Variants in TTLL4 observed in about 807,000 individuals in gnomAD.
TTLL4 encodes the protein tubulin tyrosine ligase like 4, also known as tubulin monoglutamylase TTLL4.
In TTLL4, 85 loss-of-function variants were observed where a neutral mutation model predicts 122.7. That is an observed-to-expected ratio of 0.69 (90% CI 0.58 to 0.83). The LOEUF (loss-of-function observed/expected upper bound fraction) is 0.83, where lower values mean the gene tolerates loss of function less well. Ranked by LOEUF, TTLL4 falls within the 40% of genes least tolerant of loss-of-function variation. The pLI, the probability that TTLL4 is intolerant of heterozygous loss-of-function variation, is 0.00. For synonymous variants in TTLL4, 553 were observed against 563.0 expected, an observed-to-expected ratio of 0.98 and a Z score of 0.25; for missense variants, 1,363 against 1,488.6, an observed-to-expected ratio of 0.92 and a Z score of 1.39.
In TTLL4 at chr2:218,738,026, T is replaced by C. The variant is rs748695101; in HGVS notation, c.350T>C (p.Leu117Pro). The C allele has an allele frequency of 3.1e-6, 5 of 1,614,160 alleles. No homozygotes were observed. Among genetic ancestry groups the C allele is most frequent in the Non-Finnish European group, 4.2e-6 (5 of 1,180,038 alleles). Residue 117 changes from leucine to proline, a missense_variant, in exon 3 of 20, where the codon CTA (leucine) becomes CCA (proline). Around this residue, in one of 3 missense-constraint regions of TTLL4, gnomAD observed 760 missense variants for 808.4 expected, o/e 0.94. Coordinates refer to ENST00000392102, the MANE Select transcript of TTLL4 (RefSeq NM_014640.5). ...CCGGACTTGTTCAACAGCACCCTGC[T>C]ATACCGCCGCTCCAGCTATAGGCAA... is the stretch of plus-strand genomic sequence containing the variant. ...SLPDLFNSTL[L>P]YRRSSYRQKP...
chr2:218,750,540 C>T (rs935968292), intron 15 of TTLL4, among the ~76,000 whole-genome samples: 2 of 150,224 alleles, frequency 1.3e-5, no homozygotes, highest in South Asian at 2.1e-4. Context: ...GATGTTGTTT[C>T]TAAAAAAAAA....
chr2:218,716,728 G>T (rs1476850484), intron 1 of TTLL4, among the ~76,000 whole-genome samples: 1 of 152,158 alleles, frequency 6.6e-6, no homozygotes, highest in African/African-American at 2.4e-5. Context: ...GGCGGAGGTT[G>T]CAGTGAGCCG....
intron 1 of TTLL4, among the ~76,000 whole-genome samples, chr2:218,723,533 T>C (rs1942103578): frequency 6.6e-6 from 1 of 152,150 alleles, no homozygotes; most frequent in African/African-American, 2.4e-5. Flanking sequence ...CACTGGCCAT[T>C]GAGAGAGGTT....
intron 5 of TTLL4, among the ~76,000 whole-genome samples, chr2:218,741,058 G>C (rs1412381101): frequency 1.3e-5 from 2 of 151,994 alleles, no homozygotes. Flanking sequence ...GGGTGATGGA[G>C]CAAGACTTTG....
chr2:218,727,956 A>G (rs1371652803), intron 2 of TTLL4: 2 of 151,970 alleles, frequency 1.3e-5, no homozygotes, highest in Non-Finnish European at 2.9e-5. Flanking sequence ...CTGGCTTGTT[A>G]TTGGATATGT....
rs757860498 is a variant in TTLL4, at chr2:218,738,303, C to G, written c.627C>G (p.Leu209=). The G allele has an allele frequency of 2.7e-5, 44 of 1,614,042 alleles. No homozygotes were observed. Among genetic ancestry groups the G allele is most frequent in the South Asian group, 2.5e-4 (23 of 91,094 alleles). Residue 209 remains leucine (L), a synonymous_variant, in exon 3 of 20, where the codon CTC becomes CTG. Coordinates refer to ENST00000392102, the MANE Select transcript of TTLL4 (RefSeq NM_014640.5). ...TCTCAGGGAAGATCCCATCTCCACTCTCTTCCTCCTATAAGCCCATGCTGA... is the reference window on the plus strand; with the variant it reads ...TCTCAGGGAAGATCCCATCTCCACTGTCTTCCTCCTATAAGCCCATGCTGA... ...SAISGKIPSP[L]SSSYKPMLNN...
intron 19 of TTLL4, 113 bp downstream of exon 19, chr2:218,753,782 G>A (rs1167328924): frequency 2.5e-6 from 3 of 1,181,064 alleles, no homozygotes; most frequent in African/African-American, 3.0e-5. Flanking sequence ...GCTGGGGGTT[G>A]GTGGGAGCGT....
rs537339408 is a variant in TTLL4 at position 218,719,233 on chromosome 2, G to A, written c.-177-8036G>A. ...GTTCTTCCCACCCCCTTCTGCCAGC[G>A]TGGCTCTGTATTTGAGGTTAAAGAT... On this transcript the variant is annotated intron_variant, in intron 1 of 19. Transcript: ENST00000392102. Among the ~76,000 whole-genome samples the A allele has an allele frequency of 1.4e-4, 22 of 152,190 alleles. 1 individual carries two copies. The South Asian group carries it at 4.4e-3, about 30-fold the overall frequency.
chr2:218,743,672 T>C (rs1942763202), intron 5 of TTLL4, among the ~76,000 whole-genome samples: 1 of 151,302 alleles, frequency 6.6e-6, no homozygotes, highest in African/African-American at 2.5e-5. Flanking sequence ...CTATCTTTTT[T>C]GTTTTGTTTT....
intron 1 of TTLL4, among the ~76,000 whole-genome samples, chr2:218,720,788 G>A (rs1241198440): frequency 6.6e-6 from 1 of 152,070 alleles, no homozygotes; most frequent in African/African-American, 2.4e-5. Flanking sequence ...CTAATGAGAT[G>A]ATTGATAGCT....
chr2:218,716,463 C>G (rs1426133274), intron 1 of TTLL4, among the ~76,000 whole-genome samples: 1 of 152,178 alleles, frequency 6.6e-6, no homozygotes, highest in Non-Finnish European at 1.5e-5. Context: ...AAAGCATACT[C>G]AAGGACACTT....
At position 218,747,795 on chromosome 2, in the gene TTLL4, A is replaced by G; in HGVS notation, c.2378+70A>G. The G allele has an allele frequency of 5.7e-6, 9 of 1,587,794 alleles. No homozygotes were observed. The highest frequency in any genetic ancestry group is 3.4e-5 in the South Asian group (3 of 89,180). ...TATTTTCCTTGGAGGGAGGGAAACTAGAAGACACCAAACAGAAAAATAGTT... is the reference window on the plus strand; with the variant it reads ...TATTTTCCTTGGAGGGAGGGAAACTGGAAGACACCAAACAGAAAAATAGTT... On this transcript the variant is annotated intron_variant, in intron 11 of 19. Transcript: ENST00000392102. The surrounding 1 kb of genome is among the most constrained non-coding windows in gnomAD (Gnocchi z 4.7).
intron 1 of TTLL4, among the ~76,000 whole-genome samples, chr2:218,711,746 T>A (rs1303715973): frequency 2.0e-5 from 3 of 151,878 alleles, no homozygotes; most frequent in Non-Finnish European, 4.4e-5. Flanking sequence ...AGGAAATACT[T>A]AATCCGGACT....
chr2:218,754,126 C>T lies in TTLL4; in HGVS notation c.3345-8C>T. 1 of 1,614,050 alleles carries T rather than the reference C, an allele frequency of 6.2e-7. No individual in the cohort carries two copies. The highest frequency in any genetic ancestry group is 1.6e-4 in the Middle Eastern group (1 of 6,062). ...TCAGTCATTTCTTTCACCACCTATT[C>T]CCTCCAGAAAACAAAGCTCCTGTGA... On this transcript the variant is annotated splice_region_variant and splice_polypyrimidine_tract_variant and intron_variant, in intron 19 of 19. Coordinates refer to ENST00000392102, the MANE Select transcript of TTLL4 (RefSeq NM_014640.5).
Position 218,738,547 on chromosome 2 carries a change from A to G in TTLL4, c.871A>G (p.Ser291Gly). 2.5e-6 allele frequency: 4 copies of G among 1,614,094 alleles called. No homozygotes were observed. In the South Asian group the frequency reaches 3.3e-5, roughly 13 times the overall value. Residue 291 changes from serine to glycine, a missense_variant, in exon 3 of 20, where the codon AGC (serine) becomes GGC (glycine). Ser to Gly is a moderately conservative substitution (Grantham distance 56). Around this residue, in one of 3 missense-constraint regions of TTLL4, gnomAD observed 760 missense variants for 808.4 expected, o/e 0.94. Coordinates refer to ENST00000392102, the MANE Select transcript of TTLL4 (RefSeq NM_014640.5). ...TGCCCATATCGCCTTGTCTACCGCTAGCTCCCACGACACATCCACCACCAG... is the reference window on the plus strand; with the variant it reads ...TGCCCATATCGCCTTGTCTACCGCTGGCTCCCACGACACATCCACCACCAG... ...ASAHIALSTA[S>G]SHDTSTTSVA...
At chr2:218,740,278 T>A in intron 4 of TTLL4, 111 bp downstream of exon 4, 1 of 1,127,468 alleles carries the variant, frequency 8.9e-7, no homozygotes, top group Non-Finnish European at 1.3e-6. Context: ...ATCAGTCATT[T>A]GCTTTGGGGG....
chr2:218,739,199 T>A, intron 3 of TTLL4, 36 bp downstream of exon 3: 1 of 1,579,142 alleles, frequency 6.3e-7, no homozygotes, highest in Non-Finnish European at 8.6e-7. Context: ...TTTAGAGCAG[T>A]AGAATGTATA....
Position 218,735,727 on chromosome 2 carries a change from C to T in TTLL4, c.-98-1852C>T, listed in dbSNP as rs565250378. Among the ~76,000 whole-genome samples, 675 of 151,588 alleles carry T rather than the reference C, an allele frequency of 4.5e-3. 6 individuals carry two copies. Among genetic ancestry groups the T allele is most frequent in the African/African-American group, 0.015 (636 of 41,286 alleles). ...TCACTCTGTCACCCAGGCTGGAGTG[C>T]GATGGCGCGATCTCGGCTCACTGCA... On this transcript the variant is annotated intron_variant, in intron 2 of 19. Transcript: ENST00000392102.
At position 218,754,193 on chromosome 2, in the gene TTLL4, C is replaced by G; in HGVS notation, c.3404C>G (p.Ser1135Cys). The G allele has an allele frequency of 6.2e-7, 1 of 1,614,180 alleles. No homozygotes were observed. The highest frequency in any genetic ancestry group is 8.5e-7 in the Non-Finnish European group (1 of 1,180,050). ...TCTGAAGACGGGACCACGCCCAAAT[C>G]CAAGAAGACTCAAGCTGGCCTTTCC... ...LLSEDGTTPK[S>C]KKTQAGLSPY... The change falls in exon 20 of 20, where the codon TCC (serine) becomes TGC (cysteine). Residue 1135 changes from serine to cysteine, a missense_variant. Physicochemically the swap from Ser to Cys is moderately radical, Grantham distance 112. This residue lies in a region of TTLL4 where 596 missense variants were observed against 655.8 expected (regional missense o/e 0.91). Coordinates refer to ENST00000392102, the MANE Select transcript of TTLL4 (RefSeq NM_014640.5).
Sources: gnomAD v4.1 joint callset for allele counts (sites outside exome capture counted in the v4.1 genomes callset) on GRCh38, gnomAD v4.1.1 for gene constraint, gnomAD v4.1.1 regional missense constraint, Gnocchi (gnomAD v3.1) non-coding constraint, MANE v1.5 for transcripts, NCBI Gene and HGNC (gene_info 2026-07-23, HGNC 2026-07-21) for gene names.